Variants in SLC35F1 observed in about 807,000 individuals in gnomAD.
SLC35F1 encodes the protein solute carrier family 35 member F1.
Under a neutral mutation model 48.7 loss-of-function variants are expected in SLC35F1, and 14 were observed. That is an observed-to-expected ratio of 0.29 (90% confidence interval 0.19 to 0.45). The LOEUF (loss-of-function observed/expected upper bound fraction) is 0.45. Among genes scored for constraint, SLC35F1 ranks in the 20% least tolerant of loss-of-function variants. The pLI, the probability that SLC35F1 is intolerant of heterozygous loss-of-function variation, is 1.00. For synonymous variants in SLC35F1, 190 were observed against 202.2 expected (o/e 0.94, Z 0.51); for missense variants, 404 against 500.0 (o/e 0.81, Z 1.83).
intron 1 of SLC35F1, among the ~76,000 whole-genome samples, chr6:118,023,326 A>G (rs1777422182): frequency 6.6e-6 from 1 of 152,088 alleles, no homozygotes; most frequent in African/African-American, 2.4e-5. Flanking sequence ...GTGACAACAA[A>G]GCATTAAGCC....
At chr6:118,064,283 A>T (rs1772583061) in intron 1 of SLC35F1, among the ~76,000 whole-genome samples, 1 of 152,174 alleles carries the variant, frequency 6.6e-6, no homozygotes, top group Non-Finnish European at 1.5e-5. Flanking sequence ...ATTCAAGATG[A>T]GATTTGGGTG....
intron 1 of SLC35F1, among the ~76,000 whole-genome samples, chr6:117,992,316 T>TA (rs2114858609): frequency 6.6e-6 from 1 of 152,286 alleles, no homozygotes; most frequent in South Asian, 2.1e-4. Context: ...AAGGATGGTG[T>TA]AAAAAAATCA....
chr6:117,926,388 T>C lies in SLC35F1; in HGVS notation c.173+18489T>C, dbSNP rs567780408. The stretch of plus-strand genomic sequence containing the variant: ...TTGTCAATTAAGCCTCTTTTCTTTA[T>C]AAATTACCCAGTCTTGAGTTTTTTT... On this transcript the variant is annotated intron_variant, in intron 1 of 7. Transcript: ENST00000360388. Among the ~76,000 whole-genome samples, 3 of 152,188 alleles carry C rather than the reference T, an allele frequency of 2.0e-5. No homozygotes were observed. In the South Asian group the frequency reaches 6.2e-4, roughly 31 times the overall value.
intron 7 of SLC35F1, among the ~76,000 whole-genome samples, chr6:118,295,391 G>C (rs1454481582): frequency 6.6e-6 from 1 of 152,120 alleles, no homozygotes; most frequent in African/African-American, 2.4e-5. Flanking sequence ...AAAGGATAAG[G>C]TTCCAAAACA....
chr6:118,283,904 T>C (rs1313431708), intron 6 of SLC35F1, among the ~76,000 whole-genome samples: 2 of 152,190 alleles, frequency 1.3e-5, no homozygotes, highest in East Asian at 1.9e-4. Flanking sequence ...TGCGATAGAA[T>C]CTACACGTAG....
chr6:117,931,792 A>C (rs1776104831), intron 1 of SLC35F1, among the ~76,000 whole-genome samples: 1 of 152,240 alleles, frequency 6.6e-6, no homozygotes, highest in Non-Finnish European at 1.5e-5. Flanking sequence ...TGAAGGAACT[A>C]CTGCAGCCAG....
intron 1 of SLC35F1, among the ~76,000 whole-genome samples, chr6:117,938,564 C>T (rs1426009865): frequency 2.0e-5 from 3 of 152,212 alleles, no homozygotes; most frequent in African/African-American, 4.8e-5. Context: ...GCAGGAGGGG[C>T]GGATTCCTGC....
At chr6:118,220,432 C>T (rs1205387510) in intron 2 of SLC35F1, among the ~76,000 whole-genome samples, 1 of 152,134 alleles carries the variant, frequency 6.6e-6, no homozygotes, top group Non-Finnish European at 1.5e-5. Flanking sequence ...TATTCTTATA[C>T]CAAAAGCTAC....
intron 3 of SLC35F1, among the ~76,000 whole-genome samples, chr6:118,242,987 C>T (rs1167468721): frequency 3.3e-5 from 5 of 152,056 alleles, no homozygotes; most frequent in African/African-American, 1.2e-4. Flanking sequence ...GTAATCCTTC[C>T]AACACTGATT....
chr6:118,191,890 G>C (rs1031810807), intron 2 of SLC35F1, among the ~76,000 whole-genome samples: 2 of 152,116 alleles, frequency 1.3e-5, no homozygotes, highest in Non-Finnish European at 2.9e-5. Flanking sequence ...GTTTTTCCAA[G>C]AATATGGGTT....
At chr6:118,229,456 C>G (rs1399987863) in intron 2 of SLC35F1, among the ~76,000 whole-genome samples, 1 of 152,016 alleles carries the variant, frequency 6.6e-6, no homozygotes, top group Non-Finnish European at 1.5e-5. Context: ...CTGGAGTTGG[C>G]AGTGGGGTGC....
At chr6:118,028,205 G>C (rs1359253177) in intron 1 of SLC35F1, among the ~76,000 whole-genome samples, 2 of 152,118 alleles carry the variant, frequency 1.3e-5, no homozygotes, top group African/African-American at 2.4e-5. Flanking sequence ...AACTGTAATA[G>C]ATGGATTGAG....
chr6:117,992,413 C>T (rs1339119172), intron 1 of SLC35F1, among the ~76,000 whole-genome samples: 2 of 152,120 alleles, frequency 1.3e-5, no homozygotes, highest in Admixed American at 6.6e-5. Flanking sequence ...CCAACCACTC[C>T]TTTAGTATTC....
intron 1 of SLC35F1, among the ~76,000 whole-genome samples, chr6:117,964,277 C>T (rs768558422): frequency 7.9e-5 from 12 of 152,216 alleles, no homozygotes; most frequent in Non-Finnish European, 1.8e-4. Context: ...TTTGCCCAGC[C>T]TTCACAACAT....
At chr6:118,088,363 G>T (rs929055319) in intron 1 of SLC35F1, among the ~76,000 whole-genome samples, 4 of 152,274 alleles carry the variant, frequency 2.6e-5, no homozygotes, top group East Asian at 1.9e-4. Flanking sequence ...TTCAATGTGG[G>T]TCACAGGGTT....
chr6:118,154,465 C>T lies in SLC35F1; in HGVS notation c.194C>T (p.Ala65Val), dbSNP rs1446739509. Residue 65 changes from alanine to valine, a missense_variant, in exon 2 of 8, where the codon GCC becomes GTC. By Grantham distance (64) the Ala-to-Val change is moderately conservative. Coordinates refer to ENST00000360388, the MANE Select transcript of SLC35F1 (RefSeq NM_001029858.4). ...VLNREMLISV[A>V]LGQVLSLLIC... ...CTCAGGGAGATGTTAATCTCTGTGG[C>T]CCTAGGCCAGGTGTTATCCCTCCTT... The T allele has an allele frequency of 6.2e-7, 1 of 1,612,806 alleles. No individual in the cohort carries two copies. Among genetic ancestry groups the T allele is most frequent in the Non-Finnish European group, 8.5e-7 (1 of 1,179,286 alleles).
At chr6:118,048,267 T>A (rs1772329865) in intron 1 of SLC35F1, among the ~76,000 whole-genome samples, 1 of 152,284 alleles carries the variant, frequency 6.6e-6, no homozygotes, top group East Asian at 1.9e-4. Flanking sequence ...TTTGATGTGC[T>A]GCTGGATTCG....
At chr6:118,105,423 T>C (rs1385779028) in intron 1 of SLC35F1, among the ~76,000 whole-genome samples, 2 of 152,206 alleles carry the variant, frequency 1.3e-5, no homozygotes, top group Non-Finnish European at 2.9e-5. Flanking sequence ...CGGTGGACCT[T>C]GTTACCACCA....
At chr6:118,262,816 G>T (rs1245645833) in intron 3 of SLC35F1, among the ~76,000 whole-genome samples, 1 of 152,184 alleles carries the variant, frequency 6.6e-6, no homozygotes. Context: ...GCTGGGCGCT[G>T]TGGCTCAGGC....
Sources: allele counts gnomAD v4.1 joint callset (sites outside exome capture counted in the v4.1 genomes callset), GRCh38; gene constraint gnomAD v4.1.1; transcripts MANE v1.5; gene names NCBI Gene and HGNC (gene_info 2026-07-23, HGNC 2026-07-21).